Variants in PKHD1 observed in about 807,000 individuals in gnomAD.
The protein encoded by PKHD1 is PKHD1 ciliary IPT domain containing fibrocystin/polyductin, also known as fibrocystin.
In PKHD1, 291 loss-of-function variants were observed where a neutral mutation model predicts 412.0. That is an observed-to-expected ratio of 0.71 (90% CI 0.64 to 0.78). PKHD1 has a LOEUF of 0.78. Ranked by LOEUF, PKHD1 falls within the 30% of genes least tolerant of loss-of-function variation. The probability of loss-of-function intolerance (pLI) is 0.00; values close to 1 mark genes in which losing one functional copy is unlikely to be tolerated. For synonymous variants in PKHD1, 1,777 were observed against 1,821.5 expected (o/e 0.98, Z 0.62); for missense variants, 4,825 against 4,950.7 (o/e 0.97, Z 0.76).
chr6:51,987,510 G>T (rs1796361408), intron 35 of PKHD1, among the ~76,000 whole-genome samples: 1 of 152,192 alleles, frequency 6.6e-6, no homozygotes, highest in Non-Finnish European at 1.5e-5. Context: ...CTGGAAAGTG[G>T]TGGAACCAAG....
At position 51,616,558 on chromosome 6, in the gene PKHD1, A is replaced by G. The variant is rs1766086233; in HGVS notation, c.*2523T>C. ...TTTTTTTTTTAGGAGAAAGAGGAGT[A>G]GCTTAACTATGGGTTGAGGAATTTT... On this transcript the variant is annotated 3_prime_UTR_variant, in exon 67 of 67. Coordinates refer to ENST00000371117, the MANE Select transcript of PKHD1 (RefSeq NM_138694.4). 2.6e-6 allele frequency: 1 copy of G among 391,266 alleles called. No individual in the cohort carries two copies. 24.2% of individuals were successfully genotyped at this position (391,266 alleles called of 1,614,324 possible).
intron 52 of PKHD1, among the ~76,000 whole-genome samples, chr6:51,815,573 A>G (rs1326595): frequency 0.92 from 140,644 of 152,176 alleles, 66,047 homozygotes; most frequent in East Asian, 1. Flanking sequence ...TCCAAGAAGA[A>G]TGAGTAGATA....
At chr6:52,076,749 C>G (rs1227071324) in intron 5 of PKHD1, among the ~76,000 whole-genome samples, 1 of 152,092 alleles carries the variant, frequency 6.6e-6, no homozygotes, top group East Asian at 1.9e-4. Flanking sequence ...TTTGATTTTT[C>G]TAGAAAGGAA....
At chr6:51,859,983 C>G (rs1219860461) in intron 48 of PKHD1, among the ~76,000 whole-genome samples, 1 of 152,210 alleles carries the variant, frequency 6.6e-6, no homozygotes, top group Non-Finnish European at 1.5e-5. Context: ...TCCTAAATTA[C>G]TTTCTTATTT....
At chr6:51,933,680 G>T (rs1016177242) in intron 37 of PKHD1, among the ~76,000 whole-genome samples, 1 of 152,196 alleles carries the variant, frequency 6.6e-6, no homozygotes, top group African/African-American at 2.4e-5. Context: ...TCTGGGACAG[G>T]CTATTCTCAA....
At chr6:51,976,561 T>C (rs1040291030) in intron 35 of PKHD1, among the ~76,000 whole-genome samples, 10 of 152,220 alleles carry the variant, frequency 6.6e-5, no homozygotes, top group Non-Finnish European at 1.3e-4. Context: ...AGACGGATGC[T>C]CGTGACGGTT....
chr6:51,708,362 T>C (rs1780252407), intron 60 of PKHD1, among the ~76,000 whole-genome samples: 1 of 152,232 alleles, frequency 6.6e-6, no homozygotes, highest in African/African-American at 2.4e-5. Flanking sequence ...TCCTATGTCA[T>C]TATTCTGTAC....
intron 55 of PKHD1, among the ~76,000 whole-genome samples, chr6:51,762,711 A>G (rs1384475046): frequency 6.6e-6 from 1 of 151,584 alleles, no homozygotes; most frequent in Non-Finnish European, 1.5e-5. Flanking sequence ...GAAACAGTTC[A>G]TCTGAAATAT....
rs1562526380 is a variant in PKHD1, at chr6:51,883,180, T to A, written c.7263A>T (p.Ser2421=). ...NLRLKNFKVY[S]CRDFGIDVLE... Reference sequence around the variant, plus strand: ...AGACGTCAATTCCAAAATCTCTGCATGAATAAACTTTGAAGTTTTTCAGGC... The same window carrying A: ...AGACGTCAATTCCAAAATCTCTGCAAGAATAAACTTTGAAGTTTTTCAGGC... The change falls in exon 46 of 67, where the codon TCA becomes TCT. Residue 2421 remains serine, a synonymous_variant. Coordinates refer to ENST00000371117, the MANE Select transcript of PKHD1 (RefSeq NM_138694.4). 1 of 1,611,384 alleles carries A rather than the reference T, an allele frequency of 6.2e-7. No homozygotes were observed. Among genetic ancestry groups the A allele is most frequent in the African/African-American group, 1.3e-5 (1 of 74,858 alleles).
chr6:51,982,844 AAT>A (rs1290119347), intron 35 of PKHD1, among the ~76,000 whole-genome samples: 50 of 144,940 alleles, frequency 3.4e-4, no homozygotes, highest in African/African-American at 1.2e-3. Flanking sequence ...AAAATAAAAA[AAT>A]AAAAAAATAA....
Position 51,615,527 on chromosome 6 carries a change from T to C in PKHD1, c.*3554A>G, listed in dbSNP as rs1367908873. 6.6e-6 allele frequency: 1 copy of C among 152,184 alleles called. No homozygotes were observed. The highest frequency in any genetic ancestry group is 1.9e-4 in the East Asian group (1 of 5,202). 9.4% of individuals were successfully genotyped at this position (152,184 alleles called of 1,614,324 possible). ...TTTCAAAATTGGCATAGACTATAAG[T>C]TCTGAAAGCAAAATATGGAATGCAT... On this transcript the variant is annotated 3_prime_UTR_variant, in exon 67 of 67. Transcript: ENST00000371117.
Position 51,909,392 on chromosome 6 carries a change from G to A in PKHD1, c.6573C>T (p.Ser2191=). 6.2e-7 allele frequency: 1 copy of A among 1,613,362 alleles called. No individual in the cohort carries two copies. Among genetic ancestry groups the A allele is most frequent in the Non-Finnish European group, 8.5e-7 (1 of 1,179,472 alleles). The stretch of plus-strand genomic sequence containing the variant: ...GGACCTGGCTGGGCTCTTCTGGGAA[G>A]GACTGAACGATCACTCTGGCTCCCA... ...RDMGARVIVQ[S]FPEEPSQVQL... Residue 2191 remains serine, a synonymous_variant, in exon 40 of 67, where the codon TCC becomes TCT. Transcript: ENST00000371117.
At chr6:51,667,765 G>A (rs1774088830) in intron 60 of PKHD1, among the ~76,000 whole-genome samples, 1 of 148,744 alleles carries the variant, frequency 6.7e-6, no homozygotes, top group South Asian at 2.1e-4. Context: ...TCTACATATG[G>A]CTAGCCAGTT....
chr6:51,896,289 G>C (rs1779976826), intron 43 of PKHD1, among the ~76,000 whole-genome samples: 1 of 151,796 alleles, frequency 6.6e-6, no homozygotes, highest in African/African-American at 2.4e-5. Context: ...AGAGAGCAGT[G>C]GTTCTCCCAG....
chr6:51,737,035 C>T (rs1223285469), intron 60 of PKHD1, among the ~76,000 whole-genome samples: 1 of 152,086 alleles, frequency 6.6e-6, no homozygotes, highest in Non-Finnish European at 1.5e-5. Flanking sequence ...TTTTATCAAC[C>T]TAATCTTTTA....
intron 36 of PKHD1, among the ~76,000 whole-genome samples, chr6:51,944,093 G>T (rs550142681): frequency 3.3e-5 from 5 of 152,184 alleles, no homozygotes; most frequent in East Asian, 1.9e-4. Flanking sequence ...TATTTAAATG[G>T]CCTGTTCCTG....
chr6:51,961,036 C>T (rs190366437), intron 35 of PKHD1, among the ~76,000 whole-genome samples: 7 of 151,910 alleles, frequency 4.6e-5, no homozygotes, highest in Non-Finnish European at 8.8e-5. Flanking sequence ...CATGTATAAG[C>T]CACTCTCTCC....
At chr6:51,981,437 G>C (rs1356153274) in intron 35 of PKHD1, among the ~76,000 whole-genome samples, 2 of 151,416 alleles carry the variant, frequency 1.3e-5, no homozygotes, top group Admixed American at 6.6e-5. Context: ...GCTCACTGCA[G>C]CCTCCCTGCC....
At chr6:51,933,831 G>A (rs1452745326) in intron 37 of PKHD1, among the ~76,000 whole-genome samples, 4 of 152,216 alleles carry the variant, frequency 2.6e-5, no homozygotes, top group Admixed American at 6.5e-5. Context: ...AAGGGGCCGG[G>A]AAGTATGGTC....
Sources: gnomAD v4.1 joint callset for allele counts (sites outside exome capture counted in the v4.1 genomes callset) on GRCh38, gnomAD v4.1.1 for gene constraint, MANE v1.5 for transcripts, NCBI Gene and HGNC (gene_info 2026-07-23, HGNC 2026-07-21) for gene names.